CSMD1: variants seen among roughly 807,000 people sequenced by gnomAD.
The protein encoded by CSMD1 is CUB and Sushi multiple domains 1, also known as CUB and sushi domain-containing protein 1.
CSMD1 carries 213 observed loss-of-function variants against 417.5 expected under a neutral mutation model. That is an observed-to-expected ratio of 0.51 (90% CI 0.46 to 0.57). The LOEUF (loss-of-function observed/expected upper bound fraction) is 0.57, where lower values mean the gene tolerates loss of function less well. Ranked by LOEUF, CSMD1 falls within the 20% of genes least tolerant of loss-of-function variation. The pLI, the probability that CSMD1 is intolerant of heterozygous loss-of-function variation, is 0.00. For missense variants in CSMD1, 6,923 were observed against 4,529.7 expected (o/e 1.53, Z -15.17); for synonymous variants, 2,862 against 1,736.8 (o/e 1.65, Z -16.11).
At chr8:3,741,845 T>C (rs145025760) in intron 6 of CSMD1, among the ~76,000 whole-genome samples, 2,397 of 152,308 alleles carry the variant, frequency 0.016, 26 homozygotes, top group South Asian at 0.028. Context: ...AAGTCGGCTT[T>C]AGCAAACTCT....
intron 5 of CSMD1, among the ~76,000 whole-genome samples, chr8:3,831,991 A>C (rs566277449): frequency 1.3e-5 from 2 of 152,302 alleles, no homozygotes; most frequent in African/African-American, 2.4e-5. Flanking sequence ...GCCACCATCC[A>C]CATTTTTTGG....
chr8:4,022,978 G>C (rs763950157), intron 4 of CSMD1, among the ~76,000 whole-genome samples: 6 of 152,214 alleles, frequency 3.9e-5, no homozygotes, highest in African/African-American at 1.2e-4. Flanking sequence ...ATAAATAGCA[G>C]TATGGCAAAG....
Position 4,067,080 on chromosome 8 carries a change from C to G in CSMD1, c.416-34981G>C, listed in dbSNP as rs185610524. Among the ~76,000 whole-genome samples the G allele has an allele frequency of 5.6e-3, 847 of 152,316 alleles. 8 individuals carry two copies. Among genetic ancestry groups the G allele is most frequent in the Non-Finnish European group, 9.4e-3 (639 of 68,030 alleles). On this transcript the variant is annotated intron_variant, in intron 3 of 69. Transcript: ENST00000635120. ...CATGGCGAAGACTGAAATTCAGACACAGAGAAGGGTACAAGGCTCTTTTTC... is the reference window on the plus strand; with the variant it reads ...CATGGCGAAGACTGAAATTCAGACAGAGAGAAGGGTACAAGGCTCTTTTTC...
chr8:4,968,002 G>C (rs1809993518), intron 1 of CSMD1, among the ~76,000 whole-genome samples: 1 of 151,918 alleles, frequency 6.6e-6, no homozygotes, highest in Non-Finnish European at 1.5e-5. Context: ...GATTCAAATT[G>C]GCATCATTTT....
chr8:3,154,974 G>T (rs1162961687), intron 39 of CSMD1, among the ~76,000 whole-genome samples: 1 of 151,958 alleles, frequency 6.6e-6, no homozygotes, highest in Non-Finnish European at 1.5e-5. Flanking sequence ...ATTTATCATG[G>T]GTCATGTGTG....
At chr8:4,894,973 C>A (rs1585280342) in intron 1 of CSMD1, among the ~76,000 whole-genome samples, 1 of 152,150 alleles carries the variant, frequency 6.6e-6, no homozygotes, top group South Asian at 2.1e-4. Context: ...GGCTCAGCTT[C>A]CACTTTTCTG....
intron 3 of CSMD1, among the ~76,000 whole-genome samples, chr8:4,407,608 G>C (rs553139905): frequency 6.6e-6 from 1 of 152,272 alleles, no homozygotes; most frequent in East Asian, 1.9e-4. Context: ...AGGAATTTCA[G>C]TGTTAAATAT....
intron 37 of CSMD1, among the ~76,000 whole-genome samples, chr8:3,172,628 G>A (rs934503888): frequency 3.9e-5 from 6 of 152,168 alleles, no homozygotes; most frequent in South Asian, 2.1e-4. Flanking sequence ...GGTGGTGCAC[G>A]TAGGGAACCT....
intron 26 of CSMD1, among the ~76,000 whole-genome samples, chr8:3,265,126 A>G (rs903310306): frequency 6.6e-6 from 1 of 152,180 alleles, no homozygotes; most frequent in African/African-American, 2.4e-5. Flanking sequence ...GATTGTCACT[A>G]TTAGAGCAGA....
intron 5 of CSMD1, among the ~76,000 whole-genome samples, chr8:3,971,283 C>G (rs906208735): frequency 1.4e-4 from 22 of 152,272 alleles, no homozygotes; most frequent in African/African-American, 5.1e-4. Context: ...TTTCTATTCT[C>G]CTCACCTCCT....
chr8:3,697,640 G>C (rs952003820), intron 7 of CSMD1, among the ~76,000 whole-genome samples: 22 of 152,096 alleles, frequency 1.4e-4, no homozygotes, highest in Admixed American at 1.2e-3. Flanking sequence ...TTGACTCTGT[G>C]GGCGCCAAAC....
intron 3 of CSMD1, among the ~76,000 whole-genome samples, chr8:4,207,875 G>C (rs1162792153): frequency 6.6e-6 from 1 of 152,088 alleles, no homozygotes; most frequent in Non-Finnish European, 1.5e-5. Context: ...TATAGGTGGA[G>C]AAATTAGTCC....
In CSMD1 at chr8:4,452,091, G is replaced by C. The variant is rs78914831; in HGVS notation, c.303-32026C>G. On this transcript the variant is annotated intron_variant, in intron 2 of 69. Transcript: ENST00000635120. ...AGAATGATCTCCTCTGCTTTCTTTAGAAATTTAGGGCAGTGTGATGCTTCC... is the reference window on the plus strand; with the variant it reads ...AGAATGATCTCCTCTGCTTTCTTTACAAATTTAGGGCAGTGTGATGCTTCC... Among the ~76,000 whole-genome samples the C allele has an allele frequency of 5.1e-3, 777 of 152,206 alleles. 1 individual carries two copies. Among genetic ancestry groups the C allele is most frequent in the African/African-American group, 0.018 (729 of 41,542 alleles).
At chr8:4,262,663 G>A (rs1037297056) in intron 3 of CSMD1, among the ~76,000 whole-genome samples, 1 of 152,142 alleles carries the variant, frequency 6.6e-6, no homozygotes. Context: ...AGAGTAAAAC[G>A]TGCCCAACCA....
At chr8:4,966,238 G>C (rs533034274) in intron 1 of CSMD1, among the ~76,000 whole-genome samples, 2 of 142,508 alleles carry the variant, frequency 1.4e-5, no homozygotes, top group African/African-American at 2.8e-5. Context: ...AATTAGCTGG[G>C]TATGGTGGCA....
rs553832723 is a variant in CSMD1 at position 4,273,209 on chromosome 8, A to G, written c.415+146744T>C. Among the ~76,000 whole-genome samples, 11 of 152,292 alleles carry G rather than the reference A, an allele frequency of 7.2e-5. No individual in the cohort carries two copies. The South Asian group carries it at 1.9e-3, about 26-fold the overall frequency. ...CATTTGTAAGAAGAATATACACTTG[A>G]ATGACAGTCTTTCTCATAAAATATA... On this transcript the variant is annotated intron_variant, in intron 3 of 69. Transcript: ENST00000635120.
At chr8:4,178,900 A>G (rs191225928) in intron 3 of CSMD1, among the ~76,000 whole-genome samples, 1 of 152,286 alleles carries the variant, frequency 6.6e-6, no homozygotes, top group Admixed American at 6.5e-5. Context: ...AAGGAGAACT[A>G]CAAACCACTG....
chr8:4,091,254 A>G (rs1800706274), intron 3 of CSMD1, among the ~76,000 whole-genome samples: 1 of 152,150 alleles, frequency 6.6e-6, no homozygotes, highest in African/African-American at 2.4e-5. Context: ...GAGGATGCAA[A>G]TTAGAAAAAA....
intron 1 of CSMD1, among the ~76,000 whole-genome samples, chr8:4,986,927 G>T (rs893153230): frequency 6.6e-6 from 1 of 152,072 alleles, no homozygotes; most frequent in Admixed American, 6.6e-5. Context: ...GTAGAGAGAT[G>T]ACAGATTGAT....
Sources: gnomAD v4.1 joint callset for allele counts (sites outside exome capture counted in the v4.1 genomes callset) on GRCh38, gnomAD v4.1.1 for gene constraint, MANE v1.5 for transcripts, NCBI Gene and HGNC (gene_info 2026-07-23, HGNC 2026-07-21) for gene names.